The following MAP4 variants were observed in gnomAD, a reference collection of about 807,000 sequenced individuals.
MAP4 encodes the protein microtubule associated protein 4.
Under a neutral mutation model 170.2 loss-of-function variants are expected in MAP4, and 76 were observed. The ratio of observed to expected loss-of-function variants is 0.45; its 90% confidence interval spans 0.37 to 0.54. MAP4 has a LOEUF of 0.54. MAP4 is among the 20% of genes least tolerant of loss of function. The probability of loss-of-function intolerance (pLI) is 0.00; values close to 1 mark genes in which losing one functional copy is unlikely to be tolerated. For synonymous variants in MAP4, 909 were observed against 994.5 expected (o/e 0.91, Z 1.62); for missense variants, 2,506 against 2,748.0 (o/e 0.91, Z 1.97).
intron 2 of MAP4, among the ~76,000 whole-genome samples, chr3:47,996,899 T>G (rs563430010): frequency 6.6e-6 from 1 of 152,208 alleles, no homozygotes; most frequent in Admixed American, 6.5e-5. Context: ...ATGGGAAATT[T>G]TGACAGAAAT....
At chr3:47,917,661 C>A (rs2100040513) in intron 6 of MAP4, among the ~76,000 whole-genome samples, 1 of 150,952 alleles carries the variant, frequency 6.6e-6, no homozygotes, top group Admixed American at 6.6e-5. Flanking sequence ...AGTCTCAACA[C>A]TTGGAAGAAT....
intron 10 of MAP4, among the ~76,000 whole-genome samples, chr3:47,898,930 A>G (rs1440336574): frequency 6.6e-6 from 1 of 152,190 alleles, no homozygotes; most frequent in Admixed American, 6.5e-5. Context: ...ACTGCACTCC[A>G]GCCTGAGCGA....
intron 3 of MAP4, among the ~76,000 whole-genome samples, chr3:47,971,055 G>A (rs1159369589): frequency 6.6e-6 from 1 of 152,194 alleles, no homozygotes; most frequent in Non-Finnish European, 1.5e-5. Flanking sequence ...GGACTTTTCT[G>A]AAGAGAAATT....
intron 1 of MAP4, among the ~76,000 whole-genome samples, chr3:48,077,047 T>C (rs927460312): frequency 6.6e-6 from 1 of 152,094 alleles, no homozygotes; most frequent in Non-Finnish European, 1.5e-5. Context: ...TCCAGAAGGC[T>C]GAGGTGGAAG....
chr3:47,957,268 A>G (rs1260363836), intron 3 of MAP4, among the ~76,000 whole-genome samples: 1 of 152,184 alleles, frequency 6.6e-6, no homozygotes, highest in Non-Finnish European at 1.5e-5. Flanking sequence ...TCTGGGTTCA[A>G]GTGATTCTCC....
At chr3:47,919,408 C>T (rs990351976) in intron 5 of MAP4, among the ~76,000 whole-genome samples, 8 of 151,902 alleles carry the variant, frequency 5.3e-5, no homozygotes, top group Non-Finnish European at 1.0e-4. Context: ...CCCAGGTTCA[C>T]GCCATTCTCC....
chr3:48,050,759 G>C (rs1407034635), intron 1 of MAP4, among the ~76,000 whole-genome samples: 1 of 151,910 alleles, frequency 6.6e-6, no homozygotes, highest in Non-Finnish European at 1.5e-5. Context: ...ACAAAACTTA[G>C]CTGGGCATGG....
intron 1 of MAP4, among the ~76,000 whole-genome samples, chr3:48,055,889 G>A (rs1213199868): frequency 2.7e-5 from 2 of 73,220 alleles, no homozygotes; most frequent in Non-Finnish European, 3.6e-5. Context: ...GCCTCTGCCC[G>A]GCCGAGACCC....
Position 47,912,385 on chromosome 3 carries a change from G to A in MAP4, c.2036C>T (p.Ala679Val). The change falls in exon 9 of 21, where the codon GCC (alanine) becomes GTC (valine). Residue 679 changes from alanine (A) to valine (V), a missense_variant. This residue lies in a region of MAP4 where 2,008 missense variants were observed against 2,206.0 expected (regional missense o/e 0.91). Transcript: ENST00000683076. ...GTCACTGGGTCTGCAAACTTGTTTG[G>A]CTTGTGTGGGAGGGGTACCGCAATA... ...FMYCGTPPTQ[A>V]KQVCRPSDRR... The A allele has an allele frequency of 6.5e-7, 1 of 1,526,982 alleles. No homozygotes were observed. The highest frequency in any genetic ancestry group is 8.8e-7 in the Non-Finnish European group (1 of 1,140,626). The allele number at this position is 1,526,982 out of a possible 1,614,324, so 94.6% of individuals were successfully genotyped here.
At chr3:48,012,426 A>T (rs1052232836) in intron 1 of MAP4, among the ~76,000 whole-genome samples, 1 of 152,222 alleles carries the variant, frequency 6.6e-6, no homozygotes, top group East Asian at 1.9e-4. Flanking sequence ...TTAAAAGGAC[A>T]TCTGTGCCAT....
rs75925169 is a variant in MAP4, at chr3:47,978,030, T to C, written c.224-97A>G. On this transcript the variant is annotated intron_variant, in intron 2 of 20. Transcript: ENST00000683076. ...TTAATGGAGTTTTTCTCACTCTTTG[T>C]AGCATTAGGTTAAAGCAATTAAAAA... 1,170 of 796,218 alleles carry C rather than the reference T, an allele frequency of 1.5e-3. 8 individuals carry two copies. Among genetic ancestry groups the C allele is most frequent in the African/African-American group, 0.014 (853 of 58,912 alleles). 49.3% of individuals were successfully genotyped at this position (796,218 alleles called of 1,614,324 possible).
chr3:47,951,718 C>T lies in MAP4; in HGVS notation c.293-23368G>A, dbSNP rs1484194604. Among the ~76,000 whole-genome samples, 82 of 152,068 alleles carry T rather than the reference C, an allele frequency of 5.4e-4. No homozygotes were observed. In the Middle Eastern group the frequency reaches 0.031, roughly 57 times the overall value. On this transcript the variant is annotated intron_variant, in intron 3 of 20. Coordinates refer to ENST00000683076, the MANE Select transcript of MAP4 (RefSeq NM_001385682.1). ...CTCGCTACAACCTCCACCTCCCAGC[C>T]ACCTGCCTTGGCCTCCCAAAGTGCC...
At chr3:48,059,972 C>CAAA (rs5848847) in intron 1 of MAP4, among the ~76,000 whole-genome samples, 10 of 138,828 alleles carry the variant, frequency 7.2e-5, no homozygotes, top group Non-Finnish European at 6.2e-5. Context: ...GACTCTGTCT[C>CAAA]AAAAAAAAAA....
chr3:47,968,433 TAAAC>T (rs2100076439), intron 3 of MAP4, among the ~76,000 whole-genome samples: 1 of 152,154 alleles, frequency 6.6e-6, no homozygotes, highest in African/African-American at 2.4e-5. Flanking sequence ...AATTAGAAAG[TAAAC>T]AGAAGATTGG....
intron 1 of MAP4, among the ~76,000 whole-genome samples, chr3:48,025,302 T>C (rs1226596760): frequency 6.6e-6 from 1 of 151,580 alleles, no homozygotes. Flanking sequence ...CTTTTTTTTT[T>C]TTTTTTTTGA....
rs200251783 is a variant in MAP4, at chr3:48,010,667, T to C, written c.-20+5667A>G. 9.8e-5 allele frequency among the ~76,000 whole-genome samples: 15 copies of C among 152,296 alleles called. No homozygotes were observed. In the East Asian group the frequency reaches 2.7e-3, roughly 27 times the overall value. ...ATTGGACTGAAGGATGCAATATTGA[T>C]CCTGGGTGTATCTGTGAGGGTGTTG... On this transcript the variant is annotated intron_variant, in intron 1 of 20. Coordinates refer to ENST00000683076, the MANE Select transcript of MAP4 (RefSeq NM_001385682.1).
At chr3:47,875,569 T>C in intron 12 of MAP4, 116 bp downstream of exon 12, 1 of 983,480 alleles carries the variant, frequency 1.0e-6, no homozygotes, top group Non-Finnish European at 1.5e-6. Flanking sequence ...CCATTTCCCT[T>C]GCCTTTTCCC....
At position 47,936,921 on chromosome 3, in the gene MAP4, A is replaced by G. The variant is rs377381891; in HGVS notation, c.293-8571T>C. ...CTTGAACCCGGGAGGTGGAGGTTGC[A>G]GTGAGCCAAGATCGCGCCACTGCAC... is the stretch of plus-strand genomic sequence containing the variant. On this transcript the variant is annotated intron_variant, in intron 3 of 20. Transcript: ENST00000683076. 8.9e-4 allele frequency among the ~76,000 whole-genome samples: 134 copies of G among 151,172 alleles called. 3 individuals carry two copies. In the South Asian group the frequency reaches 0.027, roughly 30 times the overall value.
At chr3:48,076,356 G>T (rs1252009767) in intron 1 of MAP4, among the ~76,000 whole-genome samples, 1 of 151,752 alleles carries the variant, frequency 6.6e-6, no homozygotes, top group Non-Finnish European at 1.5e-5. Flanking sequence ...AAAAAAATTA[G>T]CCGGGCATGG....
Sources: allele counts gnomAD v4.1 joint callset (sites outside exome capture counted in the v4.1 genomes callset), GRCh38; gene constraint gnomAD v4.1.1; regional missense constraint gnomAD v4.1.1; transcripts MANE v1.5; gene names NCBI Gene and HGNC (gene_info 2026-07-23, HGNC 2026-07-21).